Variants in KMT2B observed in about 807,000 individuals in gnomAD.
KMT2B encodes lysine methyltransferase 2B, also known as histone-lysine N-methyltransferase 2B.
KMT2B carries 22 observed loss-of-function variants against 255.3 expected under a neutral mutation model. The observed-to-expected ratio is 0.09, with a 90% CI of 0.06 to 0.12. The LOEUF is 0.12. Among genes scored for constraint, KMT2B ranks in the 10% least tolerant of loss-of-function variants. The pLI is 1.00. For synonymous variants in KMT2B, 1,730 were observed against 1,498.1 expected, an observed-to-expected ratio of 1.15 and a Z score of -3.57; for missense variants, 3,149 against 3,737.0, an observed-to-expected ratio of 0.84 and a Z score of 4.10.
Position 35,729,972 on chromosome 19 carries a change from C to T in KMT2B, c.4923C>T (p.Cys1641=), listed in dbSNP as rs192205094. The T allele has an allele frequency of 4.7e-4, 766 of 1,612,656 alleles. 8 individuals are homozygous for T. In the South Asian group the frequency reaches 7.2e-3, roughly 15 times the overall value. ...AGCTGCCCTCCCCTACGCAGCGCTG[C>T]GAGCTCTGCCTGAAGCCTGGCGCCA... ...AAVARGRQMR[C]ELCLKPGATV... The change falls in exon 23 of 37, where the codon TGC becomes TGT. Residue 1641 remains cysteine, a synonymous_variant. Coordinates refer to ENST00000420124, the MANE Select transcript of KMT2B (RefSeq NM_014727.3).
chr19:35,737,086 G>A lies in KMT2B; in HGVS notation c.7373G>A (p.Gly2458Glu), dbSNP rs1969948405. Residue 2458 changes from glycine (G) to glutamate (E), a missense_variant and splice_region_variant, in exon 33 of 37, where the codon GGA becomes GAA. Gly to Glu is a moderately conservative substitution (Grantham distance 98). Transcript: ENST00000420124. The surrounding 1 kb of genome is among the most constrained non-coding windows in gnomAD (Gnocchi z 5.3). ...GTGTGTCCTCAACATCTCCCCTCAG[G>A]AATGAGTGGGGCGAGACTCCTGGGC... ...HARLRHLSFS[G>E]MSGARLLGIH... 6.2e-7 allele frequency: 1 copy of A among 1,610,364 alleles called. No individual in the cohort carries two copies.
At chr19:35,719,634 G>C in intron 2 of KMT2B, 93 bp downstream of exon 2, 2 of 1,504,382 alleles carry the variant, frequency 1.3e-6, no homozygotes, top group South Asian at 1.2e-5. Context: ...GCCTCTGTCA[G>C]TTGCCGAATG....
intron 22 of KMT2B, among the ~76,000 whole-genome samples, 170 bp from the exon 23 acceptor site, chr19:35,729,797 G>T (rs1320463335): frequency 1.3e-5 from 2 of 152,376 alleles, no homozygotes; most frequent in East Asian, 3.9e-4. Context: ...CAAAGAACCA[G>T]AGAGAGTTTG....
At position 35,729,963 on chromosome 19, in the gene KMT2B, G is replaced by A. The variant is rs201053288; in HGVS notation, c.4918-4G>A. ...TCTCCCCTGAGCTGCCCTCCCCTAC[G>A]CAGCGCTGCGAGCTCTGCCTGAAGC... is the stretch of plus-strand genomic sequence containing the variant. On this transcript the variant is annotated splice_region_variant and splice_polypyrimidine_tract_variant and intron_variant, in intron 22 of 36. Coordinates refer to ENST00000420124, the MANE Select transcript of KMT2B (RefSeq NM_014727.3). The A allele has an allele frequency of 8.4e-4, 1,355 of 1,611,214 alleles. 21 individuals are homozygous for A. In the South Asian group the frequency reaches 0.012, roughly 14 times the overall value.
Position 35,725,033 on chromosome 19 carries a change from G to T in KMT2B, c.3474G>T (p.Trp1158Cys), listed in dbSNP as rs1969379898. ...CCTTTGCTTCTTTTCCCAATGGCTG[G>T]ACTGGAAAGCAGAAGTCTCCCGATG... ...PGPFASFPNG[W>C]TGKQKSPDGV... The change falls in exon 10 of 37, where the codon TGG becomes TGT. Residue 1158 changes from tryptophan to cysteine, a missense_variant. Around this residue, in one of 18 missense-constraint regions of KMT2B, gnomAD observed 136 missense variants for 137.3 expected, o/e 0.99. Transcript: ENST00000420124. The surrounding 1 kb of genome is among the most constrained non-coding windows in gnomAD (Gnocchi z 4.1). The T allele has an allele frequency of 6.2e-7, 1 of 1,613,918 alleles. No individual in the cohort carries two copies. The highest frequency in any genetic ancestry group is 8.5e-7 in the Non-Finnish European group (1 of 1,179,848).
chr19:35,733,303 G>GGCCC lies in KMT2B; in HGVS notation c.6754_6755insGCCC (p.Ala2252GlyfsTer52). 8.4e-5 allele frequency: 112 copies of GGCCC among 1,339,930 alleles called. No homozygotes were observed. The highest frequency in any genetic ancestry group is 1.1e-4 in the Non-Finnish European group (104 of 961,110). 83.0% of individuals were successfully genotyped at this position (1,339,930 alleles called of 1,614,324 possible). ...GCCCGTGGTCGGAGTGGTCCGCCCT[G>GGCCC]CCCCGCCCCCGCCACCCCCTCCCCT... On this transcript the variant is annotated frameshift_variant, in exon 28 of 37. Coordinates refer to ENST00000420124, the MANE Select transcript of KMT2B (RefSeq NM_014727.3). LOFTEE classifies it high-confidence loss of function. This position sits in a 1 kb window ranked among gnomAD's most constrained non-coding sequence, Gnocchi z 4.3.
At position 35,723,719 on chromosome 19, in the gene KMT2B, C is replaced by T. The variant is rs774999626; in HGVS notation, c.3059-13C>T. 3 of 1,519,670 alleles carry T rather than the reference C, an allele frequency of 2.0e-6. No homozygotes were observed. The highest frequency in any genetic ancestry group is 4.6e-5 in the East Asian group (2 of 43,940). 94.1% of individuals were successfully genotyped at this position (1,519,670 alleles called of 1,614,324 possible). On this transcript the variant is annotated splice_polypyrimidine_tract_variant and intron_variant, in intron 7 of 36. Coordinates refer to ENST00000420124, the MANE Select transcript of KMT2B (RefSeq NM_014727.3). This position sits in a 1 kb window ranked among gnomAD's most constrained non-coding sequence, Gnocchi z 7.5. ...GCTGAGCTCAAATCCTACTAAGTCC[C>T]CTGTTCCCGCAGGCCGGACGATAGT...
chr19:35,732,632 C>A lies in KMT2B; in HGVS notation c.6083C>A (p.Ser2028Tyr). The stretch of plus-strand genomic sequence containing the variant: ...CCGGGGGACAGCTCCGAGGAGGAGT[C>A]CAGCCCCACCTCCCGCTACATCCAC... ...GGPGDSSEEE[S>Y]SPTSRYIHFP... The change falls in exon 28 of 37, where the codon TCC (serine) becomes TAC (tyrosine). Residue 2028 changes from serine to tyrosine, a missense_variant. Ser to Tyr is a moderately radical substitution (Grantham distance 144, BLOSUM62 -2). Coordinates refer to ENST00000420124, the MANE Select transcript of KMT2B (RefSeq NM_014727.3). The A allele has an allele frequency of 6.2e-7, 1 of 1,611,176 alleles. No homozygotes were observed.
In KMT2B at chr19:35,733,431, A is replaced by G. The variant is rs1319005142; in HGVS notation, c.6882A>G (p.Pro2294=). Residue 2294 remains proline (P), a synonymous_variant, in exon 28 of 37, where the codon CCA becomes CCG. Transcript: ENST00000420124. The surrounding 1 kb of genome is among the most constrained non-coding windows in gnomAD (Gnocchi z 4.3). ...GCCGGTCCCCGCCAGCACCTCCCCC[A>G]TACAAAGCCCCCCGGCTGGATGAAG... is the stretch of plus-strand genomic sequence containing the variant. ...FSGRSPPAPP[P]YKAPRLDEDG... is the part of the protein sequence containing the mutation. 6.4e-7 allele frequency: 1 copy of G among 1,553,676 alleles called. No homozygotes were observed. Among genetic ancestry groups the G allele is most frequent in the East Asian group, 2.4e-5 (1 of 40,854 alleles).
rs768693126 is a variant in KMT2B, at chr19:35,720,715, C to T, written c.1368C>T (p.Ser456=). The T allele has an allele frequency of 2.0e-6, 3 of 1,476,266 alleles. No individual in the cohort carries two copies. Among genetic ancestry groups the T allele is most frequent in the African/African-American group, 1.4e-5 (1 of 69,928 alleles). 91.4% of individuals were successfully genotyped at this position (1,476,266 alleles called of 1,614,324 possible). A position where few individuals can be genotyped will look rare whatever the true frequency, so the allele number is the denominator to read the frequency against. ...CTGCCCAAGAGGAGCAGGAGGAATCCCCTCCTCCTGTGGTCCCAGCTACGT... is the reference window on the plus strand; with the variant it reads ...CTGCCCAAGAGGAGCAGGAGGAATCTCCTCCTCCTGTGGTCCCAGCTACGT... ...PPPAQEEQEE[S]PPPVVPATCS... The change falls in exon 3 of 37, where the codon TCC becomes TCT. Residue 456 remains serine (S), a synonymous_variant. Coordinates refer to ENST00000420124, the MANE Select transcript of KMT2B (RefSeq NM_014727.3).
In KMT2B at chr19:35,722,595, C is replaced by T. The variant is rs1244812690; in HGVS notation, c.2599C>T (p.Arg867Cys). The T allele has an allele frequency of 6.8e-6, 11 of 1,610,304 alleles. No homozygotes were observed. Among genetic ancestry groups the T allele is most frequent in the East Asian group, 2.2e-5 (1 of 44,778 alleles). The change falls in exon 5 of 37, where the codon CGC becomes TGC. Residue 867 changes from arginine (R) to cysteine (C), a missense_variant. Transcript: ENST00000420124. ...TCCCGAGTCCCCTGTGCAAGGTCCC[C>T]GCATCAAACATGTCTGCCGTCATGC... ...SGPESPVQGP[R>C]IKHVCRHAAV... is the part of the protein sequence containing the mutation.
chr19:35,732,406 C>T lies in KMT2B; in HGVS notation c.5857C>T (p.Pro1953Ser), dbSNP rs778823340. Residue 1953 changes from proline to serine, a missense_variant, in exon 28 of 37, where the codon CCT (proline) becomes TCT (serine). By Grantham distance (74) the Pro-to-Ser change is moderately conservative. Coordinates refer to ENST00000420124, the MANE Select transcript of KMT2B (RefSeq NM_014727.3). ...TACCTCAGTCGTCACAGCCCTCACA[C>T]CTACCTCAGGGGAGCTGGCTCCCCC... ...PPTSVVTALT[P>S]TSGELAPPGP... is the part of the protein sequence containing the mutation. The T allele has an allele frequency of 5.2e-5, 84 of 1,613,460 alleles. No individual in the cohort carries two copies. The highest frequency in any genetic ancestry group is 7.0e-5 in the Non-Finnish European group (82 of 1,179,666).
In KMT2B at chr19:35,723,464, A is replaced by G. The variant is rs762892324; in HGVS notation, c.3020A>G (p.Lys1007Arg). Residue 1007 changes from lysine (K) to arginine (R), a missense_variant, in exon 7 of 37, where the codon AAA becomes AGA. Transcript: ENST00000420124. This position sits in a 1 kb window ranked among gnomAD's most constrained non-coding sequence, Gnocchi z 7.5. ...KQCCVYRKCD[K>R]IEARKMERLA... ...CTCCCCAGATACCGGAAGTGTGACAAAATAGAGGCTCGGAAGATGGAACGA... is the reference window on the plus strand; with the variant it reads ...CTCCCCAGATACCGGAAGTGTGACAGAATAGAGGCTCGGAAGATGGAACGA... 6 of 1,578,676 alleles carry G rather than the reference A, an allele frequency of 3.8e-6. No homozygotes were observed. The highest frequency in any genetic ancestry group is 2.3e-5 in the South Asian group (2 of 85,890).
Position 35,720,423 on chromosome 19 carries a change from A to G in KMT2B, c.1076A>G (p.Gln359Arg). ...AGCCCTTGCTGGAAAAAGCAGGAAC[A>G]GAAGCTGGATGACGAGGAAGAAGAG... The part of the protein sequence containing the change: ...GGSPCWKKQE[Q>R]KLDDEEEEKK... Residue 359 changes from glutamine to arginine, a missense_variant, in exon 3 of 37, where the codon CAG becomes CGG. Around this residue, in one of 18 missense-constraint regions of KMT2B, gnomAD observed 1,188 missense variants for 1,106.4 expected, o/e 1.07. Coordinates refer to ENST00000420124, the MANE Select transcript of KMT2B (RefSeq NM_014727.3). The G allele has an allele frequency of 6.4e-7, 1 of 1,561,694 alleles. No homozygotes were observed. Among genetic ancestry groups the G allele is most frequent in the Non-Finnish European group, 8.7e-7 (1 of 1,152,452 alleles).
At chr19:35,734,433 A>G (rs1159852106) in intron 30 of KMT2B, among the ~76,000 whole-genome samples, 1 of 152,190 alleles carries the variant, frequency 6.6e-6, no homozygotes, top group African/African-American at 2.4e-5. Context: ...AAACAGCCCA[A>G]GCACTTGGCC....
chr19:35,732,815 G>A lies in KMT2B; in HGVS notation c.6266G>A (p.Gly2089Glu). 1.2e-6 allele frequency: 2 copies of A among 1,606,492 alleles called. No individual in the cohort carries two copies. The highest frequency in any genetic ancestry group is 1.7e-4 in the Middle Eastern group (1 of 6,056). Residue 2089 changes from glycine (G) to glutamate (E), a missense_variant, in exon 28 of 37, where the codon GGA becomes GAA. By Grantham distance (98) the Gly-to-Glu change is moderately conservative. Around this residue, in one of 18 missense-constraint regions of KMT2B, gnomAD observed 897 missense variants for 825.3 expected, o/e 1.09. Coordinates refer to ENST00000420124, the MANE Select transcript of KMT2B (RefSeq NM_014727.3). ...RGQGTPPSGP[G>E]VVRAGVLGAA... is the part of the protein sequence containing the mutation. ...CAGGGCACGCCTCCTTCGGGGCCAG[G>A]AGTAGTCCGGGCAGGGGTCCTTGGG...
rs1969420675 is a variant in KMT2B, at chr19:35,725,918, G to T, written c.3885+100G>T. Reference sequence around the variant, plus strand: ...GGGCTCTCAGGAGGAGCAGAGGTTGGGGATCCTCTTAAGAATTGATTAGTA... The same window carrying T: ...GGGCTCTCAGGAGGAGCAGAGGTTGTGGATCCTCTTAAGAATTGATTAGTA... On this transcript the variant is annotated intron_variant, in intron 13 of 36. Coordinates refer to ENST00000420124, the MANE Select transcript of KMT2B (RefSeq NM_014727.3). This position sits in a 1 kb window ranked among gnomAD's most constrained non-coding sequence, Gnocchi z 4.1. 1.0e-5 allele frequency: 10 copies of T among 972,118 alleles called. 1 individual carries two copies. The Admixed American group carries it at 2.2e-4, about 21-fold the overall frequency. 60.2% of individuals were successfully genotyped at this position (972,118 alleles called of 1,614,324 possible). A position where few individuals can be genotyped will look rare whatever the true frequency, so the allele number is the denominator to read the frequency against.
intron 30 of KMT2B, chr19:35,735,073 G>C (rs961171840): frequency 1.3e-5 from 2 of 152,310 alleles, no homozygotes; most frequent in Non-Finnish European, 2.9e-5. Context: ...ACCTGCCAGG[G>C]TCCTGTGGTC....
At chr19:35,728,682 G>T in intron 19 of KMT2B, 92 bp from the exon 20 acceptor site, 2 of 856,838 alleles carry the variant, frequency 2.3e-6, no homozygotes, top group East Asian at 2.6e-5. Context: ...GGGAGTAGCG[G>T]GTGTCATGGC....
Sources: gnomAD v4.1 joint callset for allele counts (sites outside exome capture counted in the v4.1 genomes callset) on GRCh38, gnomAD v4.1.1 for gene constraint, gnomAD v4.1.1 regional missense constraint, Gnocchi (gnomAD v3.1) non-coding constraint, MANE v1.5 for transcripts, NCBI Gene and HGNC (gene_info 2026-07-23, HGNC 2026-07-21) for gene names.